Variants in GRM1 observed in about 807,000 individuals in gnomAD.
The protein encoded by GRM1 is glutamate metabotropic receptor 1.
Under a neutral mutation model 90.9 loss-of-function variants are expected in GRM1, and 33 were observed. The observed-to-expected ratio is 0.36, with a 90% CI of 0.28 to 0.49. The LOEUF (loss-of-function observed/expected upper bound fraction) is 0.49. Among genes scored for constraint, GRM1 ranks in the 20% least tolerant of loss-of-function variants. The probability of loss-of-function intolerance (pLI) is 0.99; values close to 1 mark genes in which losing one functional copy is unlikely to be tolerated. For missense variants in GRM1, 1,190 were observed against 1,534.3 expected, an observed-to-expected ratio of 0.78 and a Z score of 3.75; for synonymous variants, 700 against 613.2, an observed-to-expected ratio of 1.14 and a Z score of -2.09.
chr6:146,166,794 A>C (rs79987132), intron 2 of GRM1, among the ~76,000 whole-genome samples: 2,032 of 152,216 alleles, frequency 0.013, 49 homozygotes, highest in African/African-American at 0.048. Flanking sequence ...GACTCTCTCC[A>C]TAACCACTTA....
intron 2 of GRM1, among the ~76,000 whole-genome samples, chr6:146,279,832 G>A (rs759715811): frequency 6.6e-6 from 1 of 151,384 alleles, no homozygotes; most frequent in East Asian, 1.9e-4. Context: ...TTCATCACTT[G>A]CCTTCTTGCT....
chr6:146,265,587 T>C (rs1342401761), intron 2 of GRM1, among the ~76,000 whole-genome samples: 2 of 152,206 alleles, frequency 1.3e-5, no homozygotes, highest in Non-Finnish European at 2.9e-5. Context: ...GAGAGCCTAG[T>C]CAAAAATTAT....
intron 1 of GRM1, among the ~76,000 whole-genome samples, chr6:146,120,606 C>T (rs1484937617): frequency 2.6e-5 from 4 of 152,072 alleles, no homozygotes; most frequent in African/African-American, 4.8e-5. Context: ...TTTTGAGATA[C>T]GTCCCATCAA....
chr6:146,376,936 A>C (rs908919319), intron 5 of GRM1, among the ~76,000 whole-genome samples: 3 of 151,992 alleles, frequency 2.0e-5, no homozygotes, highest in African/African-American at 7.2e-5. Flanking sequence ...TAGGTCTCAC[A>C]AGATATGATG....
chr6:146,043,314 C>T (rs1056818232), intron 1 of GRM1, among the ~76,000 whole-genome samples: 5 of 151,770 alleles, frequency 3.3e-5, no homozygotes, highest in African/African-American at 7.2e-5. Flanking sequence ...ATTAGGTTTC[C>T]AGAATATTAC....
Position 146,159,468 on chromosome 6 carries a change from T to G in GRM1, c.821T>G (p.Leu274Trp). 6.2e-7 allele frequency: 1 copy of G among 1,614,212 alleles called. No individual in the cohort carries two copies. Among genetic ancestry groups the G allele is most frequent in the Non-Finnish European group, 8.5e-7 (1 of 1,180,022 alleles). The change falls in exon 2 of 8, where the codon TTG becomes TGG. Residue 274 changes from leucine to tryptophan, a missense_variant. Leu to Trp is a moderately conservative substitution (Grantham distance 61, BLOSUM62 -2). Coordinates refer to ENST00000282753, the MANE Select transcript of GRM1 (RefSeq NM_001278064.2). The stretch of plus-strand genomic sequence containing the variant: ...GGGGAGAAGAGCTTTGACCGACTCT[T>G]GCGCAAACTCCGAGAGAGGCTTCCC... ...NAGEKSFDRL[L>W]RKLRERLPKA...
rs1196419142 is a variant in GRM1, at chr6:146,435,554, G to A, written c.*758G>A. 6.5e-6 allele frequency: 1 copy of A among 152,898 alleles called. No individual in the cohort carries two copies. Among genetic ancestry groups the A allele is most frequent in the Admixed American group, 6.5e-5 (1 of 15,336 alleles). 9.5% of individuals were successfully genotyped at this position (152,898 alleles called of 1,614,324 possible). ...ATAAGAGCAAAATTATCACCAAAAA[G>A]TGCTTCATCAGGCGTGCTACAGGAG... On this transcript the variant is annotated 3_prime_UTR_variant, in exon 8 of 8. Transcript: ENST00000282753.
intron 2 of GRM1, among the ~76,000 whole-genome samples, chr6:146,204,911 G>C (rs2114627019): frequency 6.6e-6 from 1 of 152,142 alleles, no homozygotes; most frequent in African/African-American, 2.4e-5. Flanking sequence ...AATGCTTTAA[G>C]ATATATCCTC....
At chr6:146,423,537 G>A (rs1778082215) in intron 7 of GRM1, among the ~76,000 whole-genome samples, 1 of 151,418 alleles carries the variant, frequency 6.6e-6, no homozygotes, top group African/African-American at 2.4e-5. Context: ...GTTACTGTGT[G>A]AAGCTTGGCT....
chr6:146,428,104 G>A (rs1386182346), intron 7 of GRM1, among the ~76,000 whole-genome samples: 3 of 152,198 alleles, frequency 2.0e-5, no homozygotes, highest in African/African-American at 4.8e-5. Flanking sequence ...TTTCAGAATA[G>A]GATCTATTCA....
At chr6:146,258,709 C>A (rs1056439162) in intron 2 of GRM1, among the ~76,000 whole-genome samples, 1 of 151,946 alleles carries the variant, frequency 6.6e-6, no homozygotes, top group Admixed American at 6.6e-5. Context: ...GACTTACCTG[C>A]CAGAGGGTTT....
At chr6:146,122,300 C>T (rs1003825139) in intron 1 of GRM1, among the ~76,000 whole-genome samples, 2 of 151,782 alleles carry the variant, frequency 1.3e-5, no homozygotes, top group African/African-American at 4.8e-5. Flanking sequence ...TTTTTTCTTC[C>T]TTGGCAAGAT....
At chr6:146,187,859 A>G (rs898487297) in intron 2 of GRM1, among the ~76,000 whole-genome samples, 4 of 152,080 alleles carry the variant, frequency 2.6e-5, no homozygotes, top group Admixed American at 6.5e-5. Context: ...ATAATTTTCT[A>G]TAATCGGTAA....
intron 1 of GRM1, among the ~76,000 whole-genome samples, chr6:146,152,941 CAG>C (rs1424963782): frequency 1.3e-5 from 2 of 152,112 alleles, no homozygotes; most frequent in Non-Finnish European, 2.9e-5. Context: ...ATACTAGACA[CAG>C]AGAATTATCT....
chr6:146,031,791 A>G (rs1419107866), intron 1 of GRM1, among the ~76,000 whole-genome samples: 1 of 152,216 alleles, frequency 6.6e-6, no homozygotes, highest in African/African-American at 2.4e-5. Context: ...ACATCCTGAA[A>G]GAGCAAGTTA....
chr6:146,120,767 CT>C (rs1469176998), intron 1 of GRM1, among the ~76,000 whole-genome samples: 1 of 152,200 alleles, frequency 6.6e-6, no homozygotes, highest in African/African-American at 2.4e-5. Context: ...TTGAACCAGC[CT>C]TGCATCCCAG....
chr6:146,106,414 A>C (rs1775300082), intron 1 of GRM1, among the ~76,000 whole-genome samples: 1 of 152,198 alleles, frequency 6.6e-6, no homozygotes, highest in Non-Finnish European at 1.5e-5. Context: ...TTGGCTATAA[A>C]GGTGGTGGGC....
At chr6:146,179,133 A>G (rs1778446554) in intron 2 of GRM1, among the ~76,000 whole-genome samples, 1 of 152,168 alleles carries the variant, frequency 6.6e-6, no homozygotes, top group Non-Finnish European at 1.5e-5. Context: ...ACAAATTGGG[A>G]GAAAAGGGTA....
intron 1 of GRM1, among the ~76,000 whole-genome samples, chr6:146,052,507 G>T (rs1395805932): frequency 6.6e-6 from 1 of 151,910 alleles, no homozygotes; most frequent in East Asian, 1.9e-4. Context: ...GGTAAAGAGT[G>T]TGTCTAGCAT....
Sources: allele counts gnomAD v4.1 joint callset (sites outside exome capture counted in the v4.1 genomes callset), GRCh38; gene constraint gnomAD v4.1.1; transcripts MANE v1.5; gene names NCBI Gene and HGNC (gene_info 2026-07-23, HGNC 2026-07-21).